Variants in LAMB2 observed in about 807,000 individuals in gnomAD.
The protein encoded by LAMB2 is laminin subunit beta-2.
In LAMB2, 119 loss-of-function variants were observed where a neutral mutation model predicts 202.7. The observed-to-expected ratio is 0.59, with a 90% CI of 0.51 to 0.68. The LOEUF (loss-of-function observed/expected upper bound fraction) is 0.68, where lower values mean the gene tolerates loss of function less well. Among genes scored for constraint, LAMB2 ranks in the 30% least tolerant of loss-of-function variants. The pLI, the probability that LAMB2 is intolerant of heterozygous loss-of-function variation, is 0.00. For missense variants in LAMB2, 2,124 were observed against 2,410.6 expected (o/e 0.88, Z 2.49); for synonymous variants, 818 against 902.2 (o/e 0.91, Z 1.67).
chr3:49,125,691 G>T lies in LAMB2; in HGVS notation c.2488+56C>A, dbSNP rs899609306. 6 of 1,596,350 alleles carry T rather than the reference G, an allele frequency of 3.8e-6. No individual in the cohort carries two copies. The African/African-American group carries it at 6.7e-5, about 18-fold the overall frequency. ...GCAGCAGGTCCAGAAGGAGGAGAGAGAACAGTAATGGGAAGGAGAGAGAAG... is the reference window on the plus strand; with the variant it reads ...GCAGCAGGTCCAGAAGGAGGAGAGATAACAGTAATGGGAAGGAGAGAGAAG... On this transcript the variant is annotated intron_variant, in intron 18 of 31. Coordinates refer to ENST00000305544, the MANE Select transcript of LAMB2 (RefSeq NM_002292.4).
rs759728774 is a variant in LAMB2 at position 49,130,234 on chromosome 3, G to T, written c.1222C>A (p.Arg408Ser). The T allele has an allele frequency of 6.2e-7, 1 of 1,614,188 alleles. No homozygotes were observed. Among genetic ancestry groups the T allele is most frequent in the Non-Finnish European group, 8.5e-7 (1 of 1,180,036 alleles). Reference protein sequence around the residue: ...TKDLRDPAVCRSCDCDPMGSQ... With the variant: ...TKDLRDPAVCSSCDCDPMGSQ... ...CCGTGCCCAATCCCAGCCTCACAGC[G>T]GCACACAGCCGGATCCCGCAGGTCC... Residue 408 changes from arginine (R) to serine (S), a missense_variant, in exon 9 of 32, where the codon CGC (arginine) becomes AGC (serine). By Grantham distance (110) the Arg-to-Ser change is moderately radical. Around this residue, in one of 3 missense-constraint regions of LAMB2, gnomAD observed 1,702 missense variants for 1,896.3 expected, o/e 0.90. Coordinates refer to ENST00000305544, the MANE Select transcript of LAMB2 (RefSeq NM_002292.4). The surrounding 1 kb of genome is among the most constrained non-coding windows in gnomAD (Gnocchi z 5.0).
Position 49,124,611 on chromosome 3 carries a change from G to A in LAMB2, c.3111C>T (p.Arg1037=). The change falls in exon 22 of 32, where the codon CGC becomes CGT. Residue 1037 remains arginine (R), a splice_region_variant and synonymous_variant. Coordinates refer to ENST00000305544, the MANE Select transcript of LAMB2 (RefSeq NM_002292.4). ...TTGTGCCCAGCAGGTTGCATGTGCAGCCTGTGCCAACCAAGATGAGCACAG... is the reference window on the plus strand; with the variant it reads ...TTGTGCCCAGCAGGTTGCATGTGCAACCTGTGCCAACCAAGATGAGCACAG... ...HGQAARQSCH[R]CTCNLLGTNP... The A allele has an allele frequency of 6.2e-7, 1 of 1,613,622 alleles. No individual in the cohort carries two copies. Among genetic ancestry groups the A allele is most frequent in the South Asian group, 1.1e-5 (1 of 91,026 alleles).
In LAMB2 at chr3:49,122,542, G is replaced by A. The variant is rs1007747253; in HGVS notation, c.4573+162C>T. 29 of 911,398 alleles carry A rather than the reference G, an allele frequency of 3.2e-5. No homozygotes were observed. The Admixed American group carries it at 4.2e-4, about 13-fold the overall frequency. 56.5% of individuals were successfully genotyped at this position (911,398 alleles called of 1,614,324 possible). A position where few individuals can be genotyped will look rare whatever the true frequency, so the allele number is the denominator to read the frequency against. ...CAAGGGGCTCAGACTCAAGAACATG[G>A]ACCTGGGACCACATATGGGCAATAA... On this transcript the variant is annotated intron_variant, in intron 27 of 31. Coordinates refer to ENST00000305544, the MANE Select transcript of LAMB2 (RefSeq NM_002292.4).
At chr3:49,124,641 CAAG>C in intron 21 of LAMB2, 29 bp from the exon 22 acceptor site, 1 of 1,613,800 alleles carries the variant, frequency 6.2e-7, no homozygotes, top group Non-Finnish European at 8.5e-7. Flanking sequence ...GCACAGTAGT[CAAG>C]AGGAGGCCAA....
Position 49,121,719 on chromosome 3 carries a change from C to T in LAMB2, c.5065G>A (p.Gly1689Ser), listed in dbSNP as rs1412585972. Residue 1689 changes from glycine to serine, a missense_variant, in exon 30 of 32, where the codon GGC becomes AGC. Physicochemically the swap from Gly to Ser is moderately conservative, Grantham distance 56. This residue lies in a region of LAMB2 where 1,702 missense variants were observed against 1,896.3 expected (regional missense o/e 0.90). Coordinates refer to ENST00000305544, the MANE Select transcript of LAMB2 (RefSeq NM_002292.4). ...LAASTAEETA[G>S]SAQGRAQEAE... ...TCCTGGGCACGACCCTGGGCACTGC[C>T]TGCCGTTTCTTCTGCTGTAGAGGCT... 6.2e-7 allele frequency: 1 copy of T among 1,614,042 alleles called. No homozygotes were observed. The highest frequency in any genetic ancestry group is 1.7e-5 in the Admixed American group (1 of 60,030).
Position 49,124,599 on chromosome 3 carries a change from G to A in LAMB2, c.3123C>T (p.Asn1041=). ...ACTGCTGCGGATTTGTGCCCAGCAG[G>A]TTGCATGTGCAGCCTGTGCCAACCA... The part of the protein sequence containing the change: ...ARQSCHRCTC[N]LLGTNPQQCP... The change falls in exon 22 of 32, where the codon AAC becomes AAT. Residue 1041 remains asparagine, a synonymous_variant. Transcript: ENST00000305544. The A allele has an allele frequency of 6.2e-7, 1 of 1,613,686 alleles. No individual in the cohort carries two copies. The highest frequency in any genetic ancestry group is 8.5e-7 in the Non-Finnish European group (1 of 1,179,918).
Position 49,130,826 on chromosome 3 carries a change from C to T in LAMB2, c.950G>A (p.Arg317His), listed in dbSNP as rs144771072. The T allele has an allele frequency of 1.8e-5, 29 of 1,614,052 alleles. No homozygotes were observed. Among genetic ancestry groups the T allele is most frequent in the Admixed American group, 5.0e-5 (3 of 60,014 alleles). Residue 317 changes from arginine (R) to histidine (H), a missense_variant, in exon 8 of 32, where the codon CGT becomes CAT. By Grantham distance (29) the Arg-to-His change is conservative. This residue lies in a region of LAMB2 where 256 missense variants were observed against 356.1 expected (regional missense o/e 0.72). Transcript: ENST00000305544. This position sits in a 1 kb window ranked among gnomAD's most constrained non-coding sequence, Gnocchi z 5.0. ...HGACICKHNT[R>H]GLNCEQCQDF... ...CTGACACTGCTCGCAGTTGAGGCCA[C>T]GTGTGTTGTGTTTGCAGATGCAAGC... is the stretch of plus-strand genomic sequence containing the variant.
rs1010011861 is a variant in LAMB2, at chr3:49,130,077, C to A, written c.1226-59G>T. On this transcript the variant is annotated intron_variant, in intron 9 of 31. Transcript: ENST00000305544. This position sits in a 1 kb window ranked among gnomAD's most constrained non-coding sequence, Gnocchi z 5.0. ...CTATCTCAACTAGCTCACTGCCAGTCCTCTCCTAAGCCTAAGGGATCCCAC... is the reference window on the plus strand; with the variant it reads ...CTATCTCAACTAGCTCACTGCCAGTACTCTCCTAAGCCTAAGGGATCCCAC... 7 of 1,594,512 alleles carry A rather than the reference C, an allele frequency of 4.4e-6. No homozygotes were observed. In the Admixed American group the frequency reaches 1.2e-4, roughly 27 times the overall value.
Position 49,122,021 on chromosome 3 carries a change from G to T in LAMB2, c.4846C>A (p.Arg1616=). The part of the protein sequence containing the change: ...TVQAALEEAQ[R]AQGIAQGAIR... ...GCACCCTGGGCAATACCCTGTGCCC[G>T]CTGGGCCTCCTCCAGTGCTGCCTGT... Residue 1616 remains arginine (R), a synonymous_variant, in exon 29 of 32, where the codon CGG becomes AGG. Transcript: ENST00000305544. The T allele has an allele frequency of 6.2e-7, 1 of 1,613,676 alleles. No individual in the cohort carries two copies. The highest frequency in any genetic ancestry group is 8.5e-7 in the Non-Finnish European group (1 of 1,180,012).
In LAMB2 at chr3:49,132,304, T is replaced by C; in HGVS notation, c.351A>G (p.Pro117=). ...RIQNVVTSFA[P]QRRAAWWQSE... ...ACTGCCACCAGGCTGCCCGCCGCTG[T>C]GGTGCAAAGCTGGTGACTACATTCT... Residue 117 remains proline (P), a synonymous_variant, in exon 3 of 32, where the codon CCA becomes CCG. Transcript: ENST00000305544. This position sits in a 1 kb window ranked among gnomAD's most constrained non-coding sequence, Gnocchi z 4.6. 6.2e-7 allele frequency: 1 copy of C among 1,614,214 alleles called. No homozygotes were observed. Among genetic ancestry groups the C allele is most frequent in the African/African-American group, 1.3e-5 (1 of 75,048 alleles).
At chr3:49,126,980 G>GATTT (rs1261387646) in intron 15 of LAMB2, among the ~76,000 whole-genome samples, 1 of 151,888 alleles carries the variant, frequency 6.6e-6, no homozygotes, top group Non-Finnish European at 1.5e-5. Context: ...TTTATTTTCT[G>GATTT]ATTTATTTAT....
chr3:49,122,772 C>T lies in LAMB2; in HGVS notation c.4505G>A (p.Arg1502Lys). ...CTGGTTGGCCTGTTCCACCTGTCCC[C>T]TGGAAGCATTAGCCTTGTCCAGGGC... is the stretch of plus-strand genomic sequence containing the variant. Reference protein sequence around the residue: ...QAALDKANASRGQVEQANQEL... With the variant: ...QAALDKANASKGQVEQANQEL... Residue 1502 changes from arginine to lysine, a missense_variant, in exon 27 of 32, where the codon AGG (arginine) becomes AAG (lysine). This residue lies in a region of LAMB2 where 1,702 missense variants were observed against 1,896.3 expected (regional missense o/e 0.90). Coordinates refer to ENST00000305544, the MANE Select transcript of LAMB2 (RefSeq NM_002292.4). The T allele has an allele frequency of 1.9e-6, 3 of 1,614,110 alleles. No individual in the cohort carries two copies. Among genetic ancestry groups the T allele is most frequent in the Non-Finnish European group, 2.5e-6 (3 of 1,180,014 alleles).
chr3:49,132,596 G>A lies in LAMB2; in HGVS notation c.144C>T (p.Tyr48=), dbSNP rs769279393. ...CCACCAGCAGGTCGCCCGTGGCGGG[G>A]TAGCAGCTTCCCCTGGAACAGCCAG... ...DVPGCSRGSC[Y]PATGDLLVGR... is the part of the protein sequence containing the mutation. The change falls in exon 2 of 32, where the codon TAC becomes TAT. Residue 48 remains tyrosine, a synonymous_variant. Coordinates refer to ENST00000305544, the MANE Select transcript of LAMB2 (RefSeq NM_002292.4). The surrounding 1 kb of genome is among the most constrained non-coding windows in gnomAD (Gnocchi z 4.6). The A allele has an allele frequency of 1.9e-6, 3 of 1,613,750 alleles. No individual in the cohort carries two copies. Among genetic ancestry groups the A allele is most frequent in the Admixed American group, 1.7e-5 (1 of 60,030 alleles).
chr3:49,130,318 T>G lies in LAMB2; in HGVS notation c.1138A>C (p.Asn380His). The change falls in exon 9 of 32, where the codon AAC becomes CAC. Residue 380 changes from asparagine (N) to histidine (H), a missense_variant. Physicochemically the swap from Asn to His is moderately conservative, Grantham distance 68. Around this residue, in one of 3 missense-constraint regions of LAMB2, gnomAD observed 256 missense variants for 356.1 expected, o/e 0.72. Coordinates refer to ENST00000305544, the MANE Select transcript of LAMB2 (RefSeq NM_002292.4). This position sits in a 1 kb window ranked among gnomAD's most constrained non-coding sequence, Gnocchi z 5.0. ...AGCTCACAGTGGCGCCCAGCTGTGT[T>G]ATGCTGACATCCATCACACACACCT... The part of the protein sequence containing the change: ...SGGVCDGCQH[N>H]TAGRHCELCR... 5 of 1,614,172 alleles carry G rather than the reference T, an allele frequency of 3.1e-6. No individual in the cohort carries two copies. Among genetic ancestry groups the G allele is most frequent in the Non-Finnish European group, 4.2e-6 (5 of 1,180,030 alleles).
In LAMB2 at chr3:49,121,611, A is replaced by C; in HGVS notation, c.5101-19T>G. The C allele has an allele frequency of 6.2e-7, 1 of 1,613,988 alleles. No homozygotes were observed. Reference sequence around the variant, plus strand: ...GTAGCAGCTGCAGATGTAGAGGGTTAGGTTAGCGTGGTAGCTCAGTGGAGG... The same window carrying C: ...GTAGCAGCTGCAGATGTAGAGGGTTCGGTTAGCGTGGTAGCTCAGTGGAGG... On this transcript the variant is annotated intron_variant, in intron 30 of 31. Transcript: ENST00000305544.
At chr3:49,127,791 C>A (rs548681531) in intron 15 of LAMB2, among the ~76,000 whole-genome samples, 3 of 148,100 alleles carry the variant, frequency 2.0e-5, no homozygotes, top group Non-Finnish European at 3.0e-5. Context: ...GAGGCCAAGG[C>A]GGGCAGATCA....
At chr3:49,128,018 C>CAAAAAAAAAAAAAAAAAAAAAAAAAAA (rs1156873652) in intron 15 of LAMB2, among the ~76,000 whole-genome samples, 6 of 32,848 alleles carry the variant, frequency 1.8e-4, no homozygotes, top group African/African-American at 2.6e-4. Flanking sequence ...GACTCCGTCT[C>CAAAAAAAAAAAAAAAAAAAAAAAAAAA]AAAAAAAAAA....
Position 49,121,125 on chromosome 3 carries a change from A to C in LAMB2, c.*101T>G. Reference sequence around the variant, plus strand: ...TCCAGACAACACAGTGGGGGTTCACACTGGTTTATTGGGGGCCCTGCCGGG... The same window carrying C: ...TCCAGACAACACAGTGGGGGTTCACCCTGGTTTATTGGGGGCCCTGCCGGG... On this transcript the variant is annotated 3_prime_UTR_variant, in exon 32 of 32. Coordinates refer to ENST00000305544, the MANE Select transcript of LAMB2 (RefSeq NM_002292.4). 6 of 1,392,492 alleles carry C rather than the reference A, an allele frequency of 4.3e-6. No homozygotes were observed. Among genetic ancestry groups the C allele is most frequent in the East Asian group, 2.4e-5 (1 of 42,208 alleles). The allele number at this position is 1,392,492 out of a possible 1,614,324, so 86.3% of individuals were successfully genotyped here.
Position 49,128,762 on chromosome 3 carries a change from A to G in LAMB2, c.1789T>C (p.Ser597Pro), listed in dbSNP as rs764346736. 5.6e-6 allele frequency: 9 copies of G among 1,614,158 alleles called. No homozygotes were observed. The Admixed American group carries it at 1.2e-4, about 21-fold the overall frequency. Residue 597 changes from serine to proline, a missense_variant, in exon 14 of 32, where the codon TCA (serine) becomes CCA (proline). By Grantham distance (74) the Ser-to-Pro change is moderately conservative. Coordinates refer to ENST00000305544, the MANE Select transcript of LAMB2 (RefSeq NM_002292.4). ...CCTTCCTGTAGCCGCACGAAGCCTG[A>G]GCCAGTCCAGGATGGAGTTTCCCCG... ...TPGETPSWTG[S>P]GFVRLQEGQT...
Sources: gnomAD v4.1 joint callset for allele counts (sites outside exome capture counted in the v4.1 genomes callset) on GRCh38, gnomAD v4.1.1 for gene constraint, gnomAD v4.1.1 regional missense constraint, Gnocchi (gnomAD v3.1) non-coding constraint, MANE v1.5 for transcripts, NCBI Gene and HGNC (gene_info 2026-07-23, HGNC 2026-07-21) for gene names.